The following IFT80 variants were observed in gnomAD, a reference collection of about 807,000 sequenced individuals.
IFT80 encodes intraflagellar transport 80, also known as intraflagellar transport protein 80 homolog.
Under a neutral mutation model 107.9 loss-of-function variants are expected in IFT80, and 79 were observed. The observed-to-expected ratio is 0.73, with a 90% CI of 0.61 to 0.88. IFT80 has a LOEUF of 0.88. IFT80 is among the 40% of genes least tolerant of loss of function. IFT80 has a pLI of 0.00. For synonymous variants in IFT80, 299 were observed against 300.9 expected (o/e 0.99, Z 0.07); for missense variants, 797 against 914.2 (o/e 0.87, Z 1.65).
At chr3:160,383,622 T>A in intron 2 of IFT80, 3 of 967,432 alleles carry the variant, frequency 3.1e-6, no homozygotes, top group Non-Finnish European at 3.7e-6. Flanking sequence ...AGCCCTTACT[T>A]TCAATTTATT....
intron 8 of IFT80, among the ~76,000 whole-genome samples, chr3:160,346,769 C>T (rs1720323826): frequency 6.6e-6 from 1 of 152,152 alleles, no homozygotes; most frequent in African/African-American, 2.4e-5. Flanking sequence ...CCACTCTTTG[C>T]CAATTGGCTC....
intron 12 of IFT80, among the ~76,000 whole-genome samples, chr3:160,300,587 G>A (rs1045949479): frequency 4.6e-5 from 7 of 152,046 alleles, no homozygotes; most frequent in African/African-American, 1.7e-4. Flanking sequence ...ACAGTTTTAG[G>A]ACCACAACAT....
At chr3:160,372,035 A>G (rs1711560545) in intron 5 of IFT80, among the ~76,000 whole-genome samples, 2 of 152,196 alleles carry the variant, frequency 1.3e-5, no homozygotes, top group African/African-American at 2.4e-5. Context: ...CCCCCCACCC[A>G]AAACTGAGAT....
intron 8 of IFT80, among the ~76,000 whole-genome samples, chr3:160,325,778 T>A (rs987172325): frequency 6.6e-6 from 1 of 152,128 alleles, no homozygotes; most frequent in East Asian, 1.9e-4. Flanking sequence ...TATAATTTTG[T>A]ACATGAAACA....
intron 11 of IFT80, among the ~76,000 whole-genome samples, chr3:160,303,269 T>C (rs551742421): frequency 6.6e-6 from 1 of 152,228 alleles, no homozygotes; most frequent in Non-Finnish European, 1.5e-5. Context: ...TTCAGTAGGC[T>C]ATCACTGTAC....
chr3:160,328,566 T>C lies in IFT80; in HGVS notation c.778-8627A>G, dbSNP rs1718851409. ...GTCGGTGGGAGTGTAAATTAGTTCA[T>C]TGTGGAAGACAGTATGGCAATTCCT... On this transcript the variant is annotated intron_variant, in intron 8 of 19. Coordinates refer to ENST00000326448, the MANE Select transcript of IFT80 (RefSeq NM_020800.3). 2.0e-5 allele frequency among the ~76,000 whole-genome samples: 3 copies of C among 151,542 alleles called. No homozygotes were observed. The South Asian group carries it at 6.3e-4, about 32-fold the overall frequency.
chr3:160,359,576 AG>A (rs1226505801), intron 6 of IFT80, among the ~76,000 whole-genome samples: 1 of 152,130 alleles, frequency 6.6e-6, no homozygotes, highest in Non-Finnish European at 1.5e-5. Context: ...GGAGACAGTT[AG>A]GGGCCGATTG....
At chr3:160,369,089 C>T (rs1160974184) in intron 5 of IFT80, among the ~76,000 whole-genome samples, 1 of 151,926 alleles carries the variant, frequency 6.6e-6, no homozygotes, top group Non-Finnish European at 1.5e-5. Flanking sequence ...AACCTTTCTT[C>T]ATAGTATTTA....
rs148725769 is a variant in IFT80, at chr3:160,357,036, C to T, written c.639+453G>A. ...ACTGAACTGAACTCAAATTGAGTCA[C>T]GGTAAAATTAGGGGCTATACTGATA... On this transcript the variant is annotated intron_variant, in intron 7 of 19. Transcript: ENST00000326448. 7.2e-5 allele frequency among the ~76,000 whole-genome samples: 11 copies of T among 152,210 alleles called. No homozygotes were observed. In the East Asian group the frequency reaches 1.4e-3, roughly 19 times the overall value.
intron 19 of IFT80, among the ~76,000 whole-genome samples, chr3:160,262,426 G>A (rs1712928472): frequency 6.6e-6 from 1 of 152,032 alleles, no homozygotes; most frequent in Non-Finnish European, 1.5e-5. Flanking sequence ...GCCCAAACAT[G>A]GCTCACCGCA....
chr3:160,378,563 G>A (rs1296465083), intron 3 of IFT80, among the ~76,000 whole-genome samples: 1 of 151,352 alleles, frequency 6.6e-6, no homozygotes, highest in Non-Finnish European at 1.5e-5. Context: ...TGGGGGCTGG[G>A]ACTAAGAAAG....
chr3:160,349,899 G>A (rs1344699770), intron 8 of IFT80, among the ~76,000 whole-genome samples: 1 of 152,122 alleles, frequency 6.6e-6, no homozygotes, highest in Non-Finnish European at 1.5e-5. Context: ...AGAAGAAAAG[G>A]TGAAGAGTCT....
intron 8 of IFT80, among the ~76,000 whole-genome samples, chr3:160,344,524 G>A (rs1720143894): frequency 6.6e-6 from 1 of 152,128 alleles, no homozygotes. Context: ...CTCCAGCGCT[G>A]GTCTGGGCAA....
intron 12 of IFT80, among the ~76,000 whole-genome samples, chr3:160,296,731 C>G (rs1425811093): frequency 6.6e-6 from 1 of 152,126 alleles, no homozygotes; most frequent in African/African-American, 2.4e-5. Flanking sequence ...TTGCCTGGGT[C>G]ACCAATGACC....
chr3:160,321,789 T>C (rs1396018633), intron 8 of IFT80, among the ~76,000 whole-genome samples: 1 of 151,894 alleles, frequency 6.6e-6, no homozygotes, highest in Admixed American at 6.6e-5. Flanking sequence ...AAGGGAGGAC[T>C]ACCAAATTTA....
chr3:160,259,469 T>C (rs2108192027), intron 19 of IFT80, among the ~76,000 whole-genome samples: 1 of 152,318 alleles, frequency 6.6e-6, no homozygotes. Context: ...CCCCTAAGCA[T>C]ATTCTGTGAA....
intron 11 of IFT80, among the ~76,000 whole-genome samples, chr3:160,303,688 C>T (rs886579494): frequency 1.1e-3 from 167 of 152,216 alleles, no homozygotes; most frequent in Non-Finnish European, 1.9e-3. Context: ...ACATATAACC[C>T]TGAATAATTT....
chr3:160,392,531 T>G (rs1379792559), intron 1 of IFT80, among the ~76,000 whole-genome samples: 3 of 152,238 alleles, frequency 2.0e-5, no homozygotes, highest in Non-Finnish European at 2.9e-5. Flanking sequence ...GCAATTCCAT[T>G]CTTCCAGTTA....
At chr3:160,306,928 T>A (rs1232424441) in intron 10 of IFT80, among the ~76,000 whole-genome samples, 1 of 152,160 alleles carries the variant, frequency 6.6e-6, no homozygotes, top group Non-Finnish European at 1.5e-5. Flanking sequence ...ACACATATAG[T>A]CTCCATCCTC....
Sources: gnomAD v4.1 joint callset for allele counts (sites outside exome capture counted in the v4.1 genomes callset) on GRCh38, gnomAD v4.1.1 for gene constraint, MANE v1.5 for transcripts, NCBI Gene and HGNC (gene_info 2026-07-23, HGNC 2026-07-21) for gene names.